The following PCBP3 variants were observed in gnomAD, a reference collection of about 807,000 sequenced individuals.
The protein encoded by PCBP3 is poly(rC) binding protein 3.
In PCBP3, 25 loss-of-function variants were observed where a neutral mutation model predicts 52.7. The observed-to-expected ratio is 0.47, with a 90% CI of 0.35 to 0.66. The LOEUF (loss-of-function observed/expected upper bound fraction) is 0.66, where lower values mean the gene tolerates loss of function less well. Among genes scored for constraint, PCBP3 ranks in the 30% least tolerant of loss-of-function variants. PCBP3 has a pLI of 0.01. For missense variants in PCBP3, 391 were observed against 490.3 expected, an observed-to-expected ratio of 0.80 and a Z score of 1.91; for synonymous variants, 162 against 183.0, an observed-to-expected ratio of 0.89 and a Z score of 0.93.
At chr21:45,885,093 A>T (rs1323511668) in intron 5 of PCBP3, among the ~76,000 whole-genome samples, 1 of 152,208 alleles carries the variant, frequency 6.6e-6, no homozygotes, top group Non-Finnish European at 1.5e-5. Context: ...CAGCGTAGGC[A>T]CGCTGGCAGC....
At chr21:45,740,532 G>A (rs1318355463) in intron 3 of PCBP3, among the ~76,000 whole-genome samples, 1 of 152,190 alleles carries the variant, frequency 6.6e-6, no homozygotes, top group Non-Finnish European at 1.5e-5. Flanking sequence ...AACTTTGAAA[G>A]TTGGAAGGCA....
At chr21:45,844,850 A>G (rs1335381225) in intron 4 of PCBP3, among the ~76,000 whole-genome samples, 1 of 143,898 alleles carries the variant, frequency 6.9e-6, no homozygotes, top group Non-Finnish European at 1.5e-5. Flanking sequence ...ACGTATATAA[A>G]GTTATAACTT....
intron 4 of PCBP3, among the ~76,000 whole-genome samples, chr21:45,764,967 G>A (rs1200429216): frequency 2.6e-5 from 4 of 152,336 alleles, no homozygotes; most frequent in East Asian, 1.9e-4. Flanking sequence ...ATCAGTGGTC[G>A]AGGCCCCGGG....
At chr21:45,884,313 T>C (rs1477867044) in intron 5 of PCBP3, among the ~76,000 whole-genome samples, 1 of 152,186 alleles carries the variant, frequency 6.6e-6, no homozygotes, top group Non-Finnish European at 1.5e-5. Context: ...TCAGTGTACA[T>C]TTTTTTGGAA....
At chr21:45,793,498 AAG>A (rs2091744143) in intron 4 of PCBP3, among the ~76,000 whole-genome samples, 1 of 152,052 alleles carries the variant, frequency 6.6e-6, no homozygotes, top group Non-Finnish European at 1.5e-5. Context: ...AGGACCAGGA[AAG>A]AGAGAATATT....
chr21:45,923,586 C>T (rs1034347621), intron 13 of PCBP3, among the ~76,000 whole-genome samples: 1 of 152,084 alleles, frequency 6.6e-6, no homozygotes, highest in Admixed American at 6.6e-5. Flanking sequence ...CTCACTGGCC[C>T]GTGGAGGTCT....
intron 4 of PCBP3, chr21:45,762,484 TTCTTC>T (rs1569193854): frequency 1.5e-5 from 2 of 134,104 alleles, no homozygotes; most frequent in Middle Eastern, 3.9e-3. Flanking sequence ...TTCTTTTCTT[TTCTTC>T]TCTTTTTTTT....
At chr21:45,921,813 G>A (rs941270696) in intron 13 of PCBP3, among the ~76,000 whole-genome samples, 9 of 140,514 alleles carry the variant, frequency 6.4e-5, no homozygotes, top group South Asian at 4.5e-4. Flanking sequence ...AACGAGACCC[G>A]TTTCAAAAAA....
intron 3 of PCBP3, among the ~76,000 whole-genome samples, chr21:45,742,084 T>C (rs780114757): frequency 1.3e-5 from 2 of 152,240 alleles, no homozygotes; most frequent in Non-Finnish European, 2.9e-5. Flanking sequence ...CTAGGTATCA[T>C]TTATTGGATT....
At chr21:45,923,757 C>T (rs916656550) in intron 13 of PCBP3, among the ~76,000 whole-genome samples, 2 of 152,216 alleles carry the variant, frequency 1.3e-5, no homozygotes, top group African/African-American at 4.8e-5. Context: ...ACAAATAATA[C>T]AAATAAACTC....
chr21:45,847,297 T>C (rs73380670), intron 4 of PCBP3, among the ~76,000 whole-genome samples: 3,516 of 152,276 alleles, frequency 0.023, 151 homozygotes, highest in African/African-American at 0.079. Context: ...CTACATTCCT[T>C]TTTTTCTGAT....
At chr21:45,901,922 G>T (rs753444564) in intron 9 of PCBP3, among the ~76,000 whole-genome samples, 1 of 152,230 alleles carries the variant, frequency 6.6e-6, no homozygotes, top group African/African-American at 2.4e-5. Flanking sequence ...GGTGCACTTT[G>T]TGGGAATAAA....
intron 4 of PCBP3, among the ~76,000 whole-genome samples, chr21:45,815,057 T>G (rs111213137): frequency 0.025 from 876 of 35,192 alleles, 40 homozygotes; most frequent in African/African-American, 0.032. Context: ...GTGGTGAGTG[T>G]TGAGTGAGTG....
intron 2 of PCBP3, among the ~76,000 whole-genome samples, chr21:45,714,953 C>A (rs918884999): frequency 6.6e-6 from 1 of 152,172 alleles, no homozygotes; most frequent in African/African-American, 2.4e-5. Flanking sequence ...TTTGTAAGAG[C>A]AAAACACGGT....
chr21:45,793,591 G>C (rs2091750416), intron 4 of PCBP3, among the ~76,000 whole-genome samples: 1 of 152,138 alleles, frequency 6.6e-6, no homozygotes, highest in Admixed American at 6.5e-5. Context: ...GTATTGAGTG[G>C]GCGCGGGGAA....
chr21:45,757,557 T>C (rs1199572421), intron 4 of PCBP3, among the ~76,000 whole-genome samples: 1 of 152,210 alleles, frequency 6.6e-6, no homozygotes, highest in Admixed American at 6.5e-5. Flanking sequence ...GTTTTTTCTT[T>C]GGTTGTGTGC....
At chr21:45,751,560 T>C (rs1001358792) in intron 3 of PCBP3, 2 of 152,492 alleles carry the variant, frequency 1.3e-5, no homozygotes, top group African/African-American at 4.8e-5. Context: ...CGTCTGGGTT[T>C]CATGATGGTG....
chr21:45,834,226 G>T (rs534123733), intron 4 of PCBP3, among the ~76,000 whole-genome samples: 6 of 152,236 alleles, frequency 3.9e-5, no homozygotes, highest in Admixed American at 1.3e-4. Context: ...GGAAGATGCC[G>T]CACAGTGCCT....
chr21:45,710,808 C>G (rs764753009), intron 2 of PCBP3, among the ~76,000 whole-genome samples: 6 of 152,184 alleles, frequency 3.9e-5, no homozygotes, highest in Non-Finnish European at 7.3e-5. Context: ...TTTATCTGCT[C>G]TCACACTTAT....
Sources: allele counts gnomAD v4.1 joint callset (sites outside exome capture counted in the v4.1 genomes callset), GRCh38; gene constraint gnomAD v4.1.1; transcripts MANE v1.5; gene names NCBI Gene and HGNC (gene_info 2026-07-23, HGNC 2026-07-21).